Variants in DRC9 observed in about 807,000 individuals in gnomAD.
The protein encoded by DRC9 is dynein regulatory complex subunit 9.
the DRC9 span, among the ~76,000 whole-genome samples, chr3:197,931,916 C>T: frequency 6.6e-5 from 10 of 152,058 alleles, no homozygotes; most frequent in African/African-American, 1.2e-4. Flanking sequence ...TGAGCCACCG[C>T]GCCCGGCCGA....
At chr3:197,926,053 C>T in the DRC9 span, 1 of 1,587,986 alleles carries the variant, frequency 6.3e-7, no homozygotes. Flanking sequence ...TCCTTTTTGA[C>T]ATTAATTAGC....
the DRC9 span, chr3:197,957,459 T>G: frequency 1.4e-5 from 1 of 69,848 alleles, no homozygotes; most frequent in Non-Finnish European, 2.4e-5. Flanking sequence ...ATTGTGGTGG[T>G]TTTTTTTTTT....
At chr3:197,933,126 A>G in the DRC9 span, among the ~76,000 whole-genome samples, 21 of 147,024 alleles carry the variant, frequency 1.4e-4, 1 homozygote, top group South Asian at 4.2e-3. Context: ...TATATTATAC[A>G]TACGCATTTC....
the DRC9 span, among the ~76,000 whole-genome samples, chr3:197,929,512 C>T: frequency 6.6e-6 from 1 of 152,152 alleles, no homozygotes; most frequent in Admixed American, 6.6e-5. This position sits in a 1 kb window ranked among gnomAD's most constrained non-coding sequence, Gnocchi z 4.6. Context: ...TGGCTCACAC[C>T]TATAAGCCCA....
chr3:197,889,703 C>T, the DRC9 span: 11 of 1,614,230 alleles, frequency 6.8e-6, no homozygotes, highest in Non-Finnish European at 9.3e-6. Context: ...TGCCTCGCCA[C>T]CAGGCCTGGA....
At chr3:197,922,620 C>T in the DRC9 span, among the ~76,000 whole-genome samples, 12 of 152,110 alleles carry the variant, frequency 7.9e-5, no homozygotes, top group Admixed American at 4.6e-4. Flanking sequence ...GCAGGAGAAT[C>T]GCTTGAACTC....
the DRC9 span, among the ~76,000 whole-genome samples, chr3:197,890,337 A>G: frequency 6.6e-6 from 1 of 152,022 alleles, no homozygotes; most frequent in Non-Finnish European, 1.5e-5. Flanking sequence ...CCCGGGAAGC[A>G]GAGGTTGCAG....
At chr3:197,892,507 A>G in the DRC9 span, 1 of 1,237,356 alleles carries the variant, frequency 8.1e-7, no homozygotes, top group Non-Finnish European at 1.1e-6. Flanking sequence ...TTCCTCGGTG[A>G]GCACCCTGAT....
the DRC9 span, chr3:197,906,813 C>G: frequency 6.6e-6 from 1 of 152,268 alleles, no homozygotes. Context: ...TGTGAACTGA[C>G]TCAGTCCTAA....
At chr3:197,896,988 C>T in the DRC9 span, among the ~76,000 whole-genome samples, 4 of 152,230 alleles carry the variant, frequency 2.6e-5, 1 homozygote, top group South Asian at 4.1e-4. Flanking sequence ...GACACTGAAC[C>T]GAACCATGTC....
chr3:197,916,860 C>A, the DRC9 span, among the ~76,000 whole-genome samples: 1 of 148,674 alleles, frequency 6.7e-6, no homozygotes. Flanking sequence ...GGGCCACACA[C>A]AAAATACACC....
At chr3:197,911,123 G>A in the DRC9 span, among the ~76,000 whole-genome samples, 6 of 151,766 alleles carry the variant, frequency 4.0e-5, no homozygotes, top group South Asian at 2.1e-4. Context: ...CACACAAGAA[G>A]AAATAAATTG....
the DRC9 span, chr3:197,945,583 T>A: frequency 7.0e-7 from 1 of 1,423,206 alleles, no homozygotes; most frequent in Non-Finnish European, 9.8e-7. Context: ...ATAATTTAAA[T>A]ACATGTATAC....
chr3:197,950,167 A>G, the DRC9 span: 7 of 1,231,784 alleles, frequency 5.7e-6, no homozygotes, highest in Non-Finnish European at 7.1e-6. Context: ...TAATCCCACA[A>G]GGCCACGCGG....
At chr3:197,942,457 T>C in the DRC9 span, among the ~76,000 whole-genome samples, 1 of 149,306 alleles carries the variant, frequency 6.7e-6, no homozygotes, top group Non-Finnish European at 1.5e-5. Flanking sequence ...TTAGAAAATT[T>C]GAAATTTTAA....
At chr3:197,934,049 T>C in the DRC9 span, among the ~76,000 whole-genome samples, 1 of 151,724 alleles carries the variant, frequency 6.6e-6, no homozygotes, top group Non-Finnish European at 1.5e-5. Flanking sequence ...GATTTTTATA[T>C]GTTGAATTTT....
chr3:197,918,319 G>T, the DRC9 span, among the ~76,000 whole-genome samples: 1 of 139,810 alleles, frequency 7.2e-6, no homozygotes, highest in South Asian at 2.3e-4. Flanking sequence ...GCCCAGGCTG[G>T]TCTCAAACTC....
chr3:197,895,557 T>A, the DRC9 span, among the ~76,000 whole-genome samples: 2 of 152,188 alleles, frequency 1.3e-5, no homozygotes, highest in African/African-American at 2.4e-5. Context: ...TGAGGCACCA[T>A]GCCCAGCCTA....
the DRC9 span, among the ~76,000 whole-genome samples, chr3:197,901,481 C>A: frequency 2.0e-5 from 3 of 152,230 alleles, no homozygotes; most frequent in African/African-American, 7.2e-5. This position sits in a 1 kb window ranked among gnomAD's most constrained non-coding sequence, Gnocchi z 4.4. Context: ...CTGTTCTGGG[C>A]AAGAGGGTAG....
Sources: allele counts gnomAD v4.1 joint callset (sites outside exome capture counted in the v4.1 genomes callset), GRCh38; gene constraint gnomAD v4.1.1; non-coding constraint Gnocchi (gnomAD v3.1); transcripts MANE v1.5; gene names NCBI Gene and HGNC (gene_info 2026-07-23, HGNC 2026-07-21).